Variants in HECW2 observed in about 807,000 individuals in gnomAD.
HECW2 encodes E3 ubiquitin-protein ligase HECW2.
A neutral mutation model predicts 175.2 loss-of-function variants in HECW2; 61 were observed. That is an observed-to-expected ratio of 0.35 (90% CI 0.28 to 0.43). The LOEUF is 0.43. Among genes scored for constraint, HECW2 ranks in the 20% least tolerant of loss-of-function variants. The pLI, the probability that HECW2 is intolerant of heterozygous loss-of-function variation, is 1.00. For missense variants in HECW2, 1,524 were observed against 2,000.5 expected (o/e 0.76, Z 4.54); for synonymous variants, 671 against 731.0 (o/e 0.92, Z 1.32).
chr2:196,358,764 AG>A (rs1250967690), intron 2 of HECW2, among the ~76,000 whole-genome samples: 2 of 152,178 alleles, frequency 1.3e-5, no homozygotes, highest in Non-Finnish European at 2.9e-5. Flanking sequence ...ATTAAAACAA[AG>A]GCATGCTTAT....
chr2:196,352,329 C>T lies in HECW2; in HGVS notation c.293-8565G>A, dbSNP rs895538080. 2.0e-5 allele frequency among the ~76,000 whole-genome samples: 3 copies of T among 152,036 alleles called. No homozygotes were observed. In the East Asian group the frequency reaches 5.8e-4, roughly 29 times the overall value. ...GTGTGCCCGAGAATGCAGAAATGGG[C>T]ACCAGCACATTACTGGGTAGAAAAA... On this transcript the variant is annotated intron_variant, in intron 2 of 28. Transcript: ENST00000644978.
chr2:196,339,681 T>C (rs1321952222), intron 3 of HECW2, among the ~76,000 whole-genome samples: 1 of 152,198 alleles, frequency 6.6e-6, no homozygotes, highest in Non-Finnish European at 1.5e-5. Flanking sequence ...CATAAAAGAC[T>C]GTATAGAATG....
At chr2:196,527,287 C>G (rs150987149) in intron 1 of HECW2, among the ~76,000 whole-genome samples, 1,939 of 152,378 alleles carry the variant, frequency 0.013, 44 homozygotes, top group African/African-American at 0.045. Flanking sequence ...AGGGAACTCC[C>G]TGACCCCTTG....
intron 23 of HECW2, among the ~76,000 whole-genome samples, chr2:196,223,166 T>C (rs1049955772): frequency 3.3e-5 from 5 of 152,210 alleles, no homozygotes; most frequent in African/African-American, 7.2e-5. Context: ...CAGGAGCTAA[T>C]GGGCTAGTTG....
At chr2:196,386,256 T>C (rs1017216426) in intron 2 of HECW2, among the ~76,000 whole-genome samples, 21 of 152,052 alleles carry the variant, frequency 1.4e-4, no homozygotes, top group Non-Finnish European at 2.4e-4. Flanking sequence ...ATATAGTGTA[T>C]AGGATGGTTA....
intron 2 of HECW2, among the ~76,000 whole-genome samples, chr2:196,368,144 G>A (rs1482670278): frequency 6.6e-6 from 1 of 152,134 alleles, no homozygotes; most frequent in Non-Finnish European, 1.5e-5. Flanking sequence ...ACCTAGCAGT[G>A]TAATTGCTGG....
intron 1 of HECW2, among the ~76,000 whole-genome samples, chr2:196,455,150 C>T (rs2125314458): frequency 6.6e-6 from 1 of 152,114 alleles, no homozygotes; most frequent in East Asian, 1.9e-4. Flanking sequence ...TCTCCTGCCT[C>T]AGCCTCCCAA....
At chr2:196,307,053 C>G in intron 12 of HECW2, 77 bp downstream of exon 12, 1 of 1,002,820 alleles carries the variant, frequency 1.0e-6, no homozygotes, top group South Asian at 1.4e-5. Context: ...AAAAGAAAAG[C>G]CTTACTTGTT....
intron 1 of HECW2, among the ~76,000 whole-genome samples, chr2:196,463,239 A>G (rs1277373246): frequency 6.6e-6 from 1 of 152,162 alleles, no homozygotes; most frequent in Non-Finnish European, 1.5e-5. Context: ...TGCATTATCA[A>G]TTGTAACTGT....
chr2:196,226,590 C>T (rs1241625019), intron 22 of HECW2, among the ~76,000 whole-genome samples: 14 of 152,174 alleles, frequency 9.2e-5, no homozygotes, highest in Non-Finnish European at 2.9e-5. Context: ...ATTTCAGTGA[C>T]ATTTCCCCAA....
chr2:196,248,597 G>GACACACACACACACACAC (rs35800907), intron 19 of HECW2, among the ~76,000 whole-genome samples: 7 of 143,922 alleles, frequency 4.9e-5, no homozygotes, highest in African/African-American at 1.8e-4. Flanking sequence ...GAGACAGACA[G>GACACACACACACACACAC]ACACACACAC....
chr2:196,493,020 A>G (rs1281545809), intron 1 of HECW2, among the ~76,000 whole-genome samples: 1 of 152,192 alleles, frequency 6.6e-6, no homozygotes, highest in East Asian at 1.9e-4. Context: ...GCTGACTGAA[A>G]TATGTACATT....
chr2:196,398,748 G>A (rs1324717603), intron 2 of HECW2, among the ~76,000 whole-genome samples: 6 of 152,194 alleles, frequency 3.9e-5, no homozygotes, highest in Non-Finnish European at 7.3e-5. Flanking sequence ...TTTCCCCAGT[G>A]AGAGCAAAAG....
In HECW2 at chr2:196,282,177, C is replaced by A. The variant is rs114457301; in HGVS notation, c.3001-3515G>T. Among the ~76,000 whole-genome samples, 2 of 152,110 alleles carry A rather than the reference C, an allele frequency of 1.3e-5. 1 individual carries two copies. Among genetic ancestry groups the A allele is most frequent in the South Asian group, 4.2e-4 (2 of 4,810 alleles). On this transcript the variant is annotated intron_variant, in intron 14 of 28. Transcript: ENST00000644978. ...CAGGCTCCTTGTAAGTATGTGTGGC[C>A]GAGACTAAGTTCTGACCAGTAAGAT...
At chr2:196,586,086 T>A (rs1690964606) in intron 1 of HECW2, among the ~76,000 whole-genome samples, 1 of 152,194 alleles carries the variant, frequency 6.6e-6, no homozygotes, top group African/African-American at 2.4e-5. Context: ...TAAGTTCTAT[T>A]ACTTTGAGCT....
At chr2:196,216,234 T>A (rs901211308) in intron 27 of HECW2, among the ~76,000 whole-genome samples, 4 of 152,224 alleles carry the variant, frequency 2.6e-5, no homozygotes, top group Non-Finnish European at 5.9e-5. Context: ...CTGATGCAGC[T>A]GACCAGCTCA....
chr2:196,394,192 C>T (rs1016095634), intron 2 of HECW2, among the ~76,000 whole-genome samples: 1 of 151,952 alleles, frequency 6.6e-6, no homozygotes, highest in Non-Finnish European at 1.5e-5. Flanking sequence ...AGGAGATATA[C>T]CTAATGTAAA....
At chr2:196,463,972 A>G (rs1053168912) in intron 1 of HECW2, among the ~76,000 whole-genome samples, 12 of 151,902 alleles carry the variant, frequency 7.9e-5, no homozygotes, top group Non-Finnish European at 1.5e-4. Flanking sequence ...TCCTCCACCT[A>G]TGAAAACTCA....
intron 1 of HECW2, among the ~76,000 whole-genome samples, chr2:196,468,511 C>T (rs565854436): frequency 6.1e-4 from 93 of 152,220 alleles, no homozygotes; most frequent in African/African-American, 1.8e-3. Context: ...ACTTCTCAAG[C>T]GTGACTTGTT....
Sources: allele counts gnomAD v4.1 joint callset (sites outside exome capture counted in the v4.1 genomes callset), GRCh38; gene constraint gnomAD v4.1.1; transcripts MANE v1.5; gene names NCBI Gene and HGNC (gene_info 2026-07-23, HGNC 2026-07-21).